Variants in PAPPA observed in about 807,000 individuals in gnomAD.
PAPPA encodes the protein pappalysin 1, also known as pappalysin-1.
Under a neutral mutation model 164.0 loss-of-function variants are expected in PAPPA, and 60 were observed. The observed-to-expected ratio is 0.37, with a 90% CI of 0.30 to 0.45. The LOEUF is 0.45. PAPPA is among the 20% of genes least tolerant of loss of function. The probability of loss-of-function intolerance (pLI) is 1.00; values close to 1 mark genes in which losing one functional copy is unlikely to be tolerated. For missense variants in PAPPA, 1,782 were observed against 2,087.3 expected (o/e 0.85, Z 2.85); for synonymous variants, 875 against 814.1 (o/e 1.07, Z -1.27).
intron 7 of PAPPA, among the ~76,000 whole-genome samples, chr9:116,258,482 C>A (rs1157250279): frequency 1.3e-5 from 2 of 151,770 alleles, no homozygotes; most frequent in African/African-American, 4.8e-5. Context: ...CATGGAGAAA[C>A]CCTGTCTCTA....
At chr9:116,323,014 G>C (rs1845878836) in intron 10 of PAPPA, among the ~76,000 whole-genome samples, 1 of 152,140 alleles carries the variant, frequency 6.6e-6, no homozygotes, top group Non-Finnish European at 1.5e-5. Context: ...ATGTAAATCT[G>C]TAAAATCGAA....
intron 2 of PAPPA, among the ~76,000 whole-genome samples, chr9:116,195,080 G>A (rs1297268784): frequency 6.6e-6 from 1 of 152,108 alleles, no homozygotes; most frequent in Non-Finnish European, 1.5e-5. Context: ...AGGCAATGTT[G>A]GGATGGCTCA....
chr9:116,395,151 G>A (rs557379934), intron 21 of PAPPA, among the ~76,000 whole-genome samples: 72 of 152,282 alleles, frequency 4.7e-4, no homozygotes, highest in African/African-American at 1.7e-3. Flanking sequence ...TGAGTTCATT[G>A]AGACTCAGAG....
chr9:116,323,128 G>T (rs140490148), intron 10 of PAPPA, among the ~76,000 whole-genome samples: 78 of 152,250 alleles, frequency 5.1e-4, no homozygotes, highest in African/African-American at 1.9e-3. Flanking sequence ...CATCGTGTGT[G>T]GGTGGAAGAT....
At chr9:116,254,643 G>A (rs568991962) in intron 7 of PAPPA, among the ~76,000 whole-genome samples, 6 of 151,978 alleles carry the variant, frequency 3.9e-5, no homozygotes, top group South Asian at 2.1e-4. Flanking sequence ...TTAGCCGGGC[G>A]TGGTGGTGGG....
chr9:116,204,214 A>G (rs560195168), intron 2 of PAPPA, among the ~76,000 whole-genome samples: 17 of 152,306 alleles, frequency 1.1e-4, no homozygotes, highest in African/African-American at 3.6e-4. Flanking sequence ...CTATCTGTCC[A>G]ATTCTGAGTA....
At chr9:116,204,748 G>A (rs762512534) in intron 2 of PAPPA, among the ~76,000 whole-genome samples, 20 of 152,136 alleles carry the variant, frequency 1.3e-4, no homozygotes, top group Admixed American at 3.3e-4. Context: ...ACCAATTTAC[G>A]ATGTATACAC....
At chr9:116,156,037 AT>A (rs1587931823) in intron 1 of PAPPA, among the ~76,000 whole-genome samples, 2 of 152,048 alleles carry the variant, frequency 1.3e-5, no homozygotes, top group East Asian at 3.9e-4. Flanking sequence ...GATGGTGATA[AT>A]TTAGAGCTGT....
chr9:116,212,125 G>A (rs1252208549), intron 4 of PAPPA, among the ~76,000 whole-genome samples, 193 bp downstream of exon 4: 1 of 152,086 alleles, frequency 6.6e-6, no homozygotes, highest in African/African-American at 2.4e-5. Context: ...TGGAATTGTT[G>A]GACTAGCATC....
intron 10 of PAPPA, among the ~76,000 whole-genome samples, chr9:116,310,717 T>G (rs1189501125): frequency 6.6e-6 from 1 of 152,188 alleles, no homozygotes; most frequent in African/African-American, 2.4e-5. Context: ...GTCTAGACAC[T>G]CTGGCCCTAG....
At chr9:116,278,437 T>G (rs550837963) in intron 9 of PAPPA, among the ~76,000 whole-genome samples, 3 of 152,200 alleles carry the variant, frequency 2.0e-5, no homozygotes, top group Non-Finnish European at 2.9e-5. Flanking sequence ...TCTTTTCCAC[T>G]ATTTCTGTTT....
chr9:116,154,148 G>A lies in PAPPA; in HGVS notation c.-25G>A, dbSNP rs1344280872. ...CTCCGGGTGGCGGTGCAGGGGCGAA[G>A]GGGGGGCGGGGGGAACCGTCGGACA... On this transcript the variant is annotated 5_prime_UTR_variant, in exon 1 of 22. Coordinates refer to ENST00000328252, the MANE Select transcript of PAPPA (RefSeq NM_002581.5). This position sits in a 1 kb window ranked among gnomAD's most constrained non-coding sequence, Gnocchi z 5.2. 5 of 1,419,880 alleles carry A rather than the reference G, an allele frequency of 3.5e-6. No homozygotes were observed. The highest frequency in any genetic ancestry group is 9.3e-7 in the Non-Finnish European group (1 of 1,073,574). The allele number at this position is 1,419,880 out of a possible 1,614,324, so 88.0% of individuals were successfully genotyped here.
intron 17 of PAPPA, among the ~76,000 whole-genome samples, chr9:116,361,147 G>A (rs1818086736): frequency 6.6e-6 from 1 of 152,198 alleles, no homozygotes; most frequent in African/African-American, 2.4e-5. Context: ...AAGGCTGGGA[G>A]GGCTCTGGAG....
chr9:116,252,333 A>T (rs530878826), intron 7 of PAPPA, among the ~76,000 whole-genome samples: 7 of 152,208 alleles, frequency 4.6e-5, no homozygotes, highest in Non-Finnish European at 8.8e-5. Flanking sequence ...CTGTCATCTC[A>T]TTTTTCATTT....
At chr9:116,162,979 T>TAA (rs146731848) in intron 1 of PAPPA, among the ~76,000 whole-genome samples, 2 of 152,026 alleles carry the variant, frequency 1.3e-5, no homozygotes, top group Non-Finnish European at 1.5e-5. Flanking sequence ...ATGCTCATTG[T>TAA]AAAAAAAATC....
At chr9:116,265,365 G>A (rs1278484984) in intron 7 of PAPPA, among the ~76,000 whole-genome samples, 1 of 152,192 alleles carries the variant, frequency 6.6e-6, no homozygotes, top group Non-Finnish European at 1.5e-5. Flanking sequence ...GAGAGCCACT[G>A]TACACACAGC....
Position 116,235,212 on chromosome 9 carries a change from C to T in PAPPA, c.2307C>T (p.His769=), listed in dbSNP as rs780154914. The T allele has an allele frequency of 6.2e-7, 1 of 1,614,190 alleles. No homozygotes were observed. Among genetic ancestry groups the T allele is most frequent in the South Asian group, 1.1e-5 (1 of 91,088 alleles). The change falls in exon 7 of 22, where the codon CAC becomes CAT. Residue 769 remains histidine, a synonymous_variant. Coordinates refer to ENST00000328252, the MANE Select transcript of PAPPA (RefSeq NM_002581.5). The part of the protein sequence containing the change: ...TWSPNSAVNP[H]TVPPACPEPQ... The stretch of plus-strand genomic sequence containing the variant: ...GCCCAAATTCAGCTGTCAACCCACA[C>T]ACGGTTCCTCCAGCCTGCCCTGAGC...
rs558059026 is a variant in PAPPA at position 116,285,675 on chromosome 9, G to A, written c.2953+14259G>A. ...CTCATGAGGGTCAGAATCCTGTGCC[G>A]TCATCATTTACATATCTCCCCTCTC... On this transcript the variant is annotated intron_variant, in intron 9 of 21. Coordinates refer to ENST00000328252, the MANE Select transcript of PAPPA (RefSeq NM_002581.5). Among the ~76,000 whole-genome samples the A allele has an allele frequency of 1.6e-4, 25 of 152,206 alleles. 1 individual carries two copies. In the South Asian group the frequency reaches 4.4e-3, roughly 27 times the overall value.
chr9:116,262,104 A>G (rs1266032508), intron 7 of PAPPA, among the ~76,000 whole-genome samples: 1 of 151,584 alleles, frequency 6.6e-6, no homozygotes, highest in Non-Finnish European at 1.5e-5. Flanking sequence ...AGTCCCAGCT[A>G]CTCGGGAGGC....
Sources: allele counts gnomAD v4.1 joint callset (sites outside exome capture counted in the v4.1 genomes callset), GRCh38; gene constraint gnomAD v4.1.1; non-coding constraint Gnocchi (gnomAD v3.1); transcripts MANE v1.5; gene names NCBI Gene and HGNC (gene_info 2026-07-23, HGNC 2026-07-21).